PRKCA: variants seen among roughly 807,000 people sequenced by gnomAD.
PRKCA encodes protein kinase C alpha type.
PRKCA carries 27 observed loss-of-function variants against 87.0 expected under a neutral mutation model. The observed-to-expected ratio is 0.31, with a 90% confidence interval of 0.23 to 0.43. The LOEUF is 0.43. PRKCA is among the 20% of genes least tolerant of loss of function. PRKCA has a pLI of 1.00. For synonymous variants in PRKCA, 329 were observed against 311.1 expected (o/e 1.06, Z -0.61); for missense variants, 518 against 852.3 (o/e 0.61, Z 4.88).
intron 8 of PRKCA, among the ~76,000 whole-genome samples, chr17:66,731,874 C>T (rs2144200178): frequency 6.7e-6 from 1 of 149,834 alleles, no homozygotes; most frequent in African/African-American, 2.4e-5. Context: ...ACCTCCGCCC[C>T]CCGCCCCCCG....
chr17:66,535,411 T>C (rs16959554), intron 3 of PRKCA, among the ~76,000 whole-genome samples: 9,712 of 152,258 alleles, frequency 0.064, 933 homozygotes, highest in African/African-American at 0.21. Context: ...TATTGATGTC[T>C]TGTGGGATAG....
chr17:66,628,683 A>C (rs1970925236), intron 3 of PRKCA, among the ~76,000 whole-genome samples: 1 of 152,220 alleles, frequency 6.6e-6, no homozygotes, highest in Non-Finnish European at 1.5e-5. Flanking sequence ...CATAAACTGC[A>C]CATTTCGATT....
intron 2 of PRKCA, among the ~76,000 whole-genome samples, chr17:66,327,096 C>T (rs4605200): frequency 2.6e-5 from 4 of 151,562 alleles, no homozygotes; most frequent in East Asian, 3.9e-4. Flanking sequence ...ATAGGCCAGG[C>T]GTGGTGGCTC....
rs115074813 is a variant in PRKCA at position 66,593,666 on chromosome 17, C to T, written c.289-47689C>T. Among the ~76,000 whole-genome samples the T allele has an allele frequency of 2.9e-3, 447 of 152,328 alleles. 2 individuals are homozygous for T. The highest frequency in any genetic ancestry group is 0.01 in the African/African-American group (432 of 41,574). ...TGAAGATGTTTTTAATCCATTCTTT[C>T]TGTCTAGCAGAATGGGAAAAGGAAA... On this transcript the variant is annotated intron_variant, in intron 3 of 16. Coordinates refer to ENST00000413366, the MANE Select transcript of PRKCA (RefSeq NM_002737.3).
rs115943394 is a variant in PRKCA, at chr17:66,427,004, G to T, written c.206-69197G>T. ...TTAAGGCAGGGGTTGGCAAACTATG[G>T]TCCATGAGACACCAGCCACTTAAAA... On this transcript the variant is annotated intron_variant, in intron 2 of 16. Transcript: ENST00000413366. Among the ~76,000 whole-genome samples the T allele has an allele frequency of 7.3e-3, 1,107 of 152,082 alleles. 16 individuals carry two copies. Among genetic ancestry groups the T allele is most frequent in the African/African-American group, 0.026 (1,067 of 41,490 alleles).
chr17:66,431,880 T>C (rs1452919597), intron 2 of PRKCA, among the ~76,000 whole-genome samples: 1 of 152,192 alleles, frequency 6.6e-6, no homozygotes, highest in Non-Finnish European at 1.5e-5. Flanking sequence ...AAATTGGCAC[T>C]GGGTAAACCT....
intron 2 of PRKCA, among the ~76,000 whole-genome samples, chr17:66,307,066 A>C (rs1164626227): frequency 6.6e-6 from 1 of 152,210 alleles, no homozygotes; most frequent in Non-Finnish European, 1.5e-5. Context: ...AGATTGTGCT[A>C]GTAAATTGGT....
At chr17:66,528,391 C>A (rs1286959820) in intron 3 of PRKCA, among the ~76,000 whole-genome samples, 1 of 152,090 alleles carries the variant, frequency 6.6e-6, no homozygotes, top group African/African-American at 2.4e-5. Flanking sequence ...TGGAAAAGAG[C>A]ATAATGCAGA....
intron 3 of PRKCA, among the ~76,000 whole-genome samples, chr17:66,566,251 C>CG (rs1968885568): frequency 6.6e-6 from 1 of 152,112 alleles, no homozygotes; most frequent in African/African-American, 2.4e-5. Flanking sequence ...TCCCAGGGAA[C>CG]GGGCAGATGG....
intron 2 of PRKCA, among the ~76,000 whole-genome samples, chr17:66,320,873 C>T (rs545619874): frequency 2.1e-4 from 32 of 152,262 alleles, no homozygotes; most frequent in Middle Eastern, 3.4e-3. Context: ...GCTCCCTAAA[C>T]AAGATTTAAA....
chr17:66,587,903 A>G (rs1046788436), intron 3 of PRKCA, among the ~76,000 whole-genome samples: 11,281 of 55,262 alleles, frequency 0.2, 1,671 homozygotes, highest in African/African-American at 0.37. Flanking sequence ...GTGTATATAT[A>G]TATATATATA....
intron 2 of PRKCA, among the ~76,000 whole-genome samples, chr17:66,324,540 G>A (rs763099584): frequency 2.0e-4 from 30 of 152,178 alleles, no homozygotes; most frequent in Non-Finnish European, 3.8e-4. Flanking sequence ...TTGAACCTGG[G>A]AGGCAGAGGT....
chr17:66,773,818 G>A (rs1017384506), intron 13 of PRKCA, among the ~76,000 whole-genome samples, 169 bp from the exon 14 acceptor site: 1 of 151,988 alleles, frequency 6.6e-6, no homozygotes, highest in South Asian at 2.1e-4. Context: ...ATAGTTCTCC[G>A]TGTGTCTGAT....
In PRKCA at chr17:66,754,307, G is replaced by A. The variant is rs572361016; in HGVS notation, c.1524+11547G>A. The stretch of plus-strand genomic sequence containing the variant: ...AGGAAGGAGGAATAAAGGCCCCAGA[G>A]GGCAGGGGCACCATCTCAGATGTCT... On this transcript the variant is annotated intron_variant, in intron 13 of 16. Coordinates refer to ENST00000413366, the MANE Select transcript of PRKCA (RefSeq NM_002737.3). Among the ~76,000 whole-genome samples the A allele has an allele frequency of 1.1e-4, 17 of 152,106 alleles. No homozygotes were observed. The South Asian group carries it at 1.9e-3, about 17-fold the overall frequency.
At chr17:66,346,060 C>T (rs964248042) in intron 2 of PRKCA, among the ~76,000 whole-genome samples, 5 of 151,462 alleles carry the variant, frequency 3.3e-5, no homozygotes, top group African/African-American at 7.3e-5. Flanking sequence ...TGACTGAGTG[C>T]CAGTAAAAGA....
chr17:66,467,482 T>G (rs1175920699), intron 2 of PRKCA, among the ~76,000 whole-genome samples: 1 of 151,958 alleles, frequency 6.6e-6, no homozygotes, highest in African/African-American at 2.4e-5. Context: ...GCAAACACAT[T>G]TTTTTTTGCA....
intron 3 of PRKCA, among the ~76,000 whole-genome samples, chr17:66,548,000 G>A (rs1226037389): frequency 1.3e-5 from 2 of 152,148 alleles, no homozygotes. Context: ...TCTTAGGCCT[G>A]TACACAGATC....
chr17:66,516,238 G>A (rs1361167872), intron 3 of PRKCA, among the ~76,000 whole-genome samples: 1 of 152,130 alleles, frequency 6.6e-6, no homozygotes, highest in Non-Finnish European at 1.5e-5. Flanking sequence ...ATTAAAGGAG[G>A]GATCAAGAAA....
chr17:66,370,512 C>T (rs1358139677), intron 2 of PRKCA, among the ~76,000 whole-genome samples: 3 of 148,324 alleles, frequency 2.0e-5, no homozygotes, highest in East Asian at 4.0e-4. Context: ...TTCACAATAG[C>T]GCTATAGATT....
Sources: allele counts gnomAD v4.1 joint callset (sites outside exome capture counted in the v4.1 genomes callset), GRCh38; gene constraint gnomAD v4.1.1; transcripts MANE v1.5; gene names NCBI Gene and HGNC (gene_info 2026-07-23, HGNC 2026-07-21).